Variants in MCTP2 observed in about 807,000 individuals in gnomAD.
The protein encoded by MCTP2 is multiple C2 and transmembrane domain-containing protein 2.
A neutral mutation model predicts 111.6 loss-of-function variants in MCTP2; 132 were observed. The observed-to-expected ratio is 1.18, with a 90% CI of 1.03 to 1.37. The LOEUF is 1.37. MCTP2 is among the 40% of genes most tolerant of loss of function. The probability of loss-of-function intolerance (pLI) is 0.00; values close to 1 mark genes in which losing one functional copy is unlikely to be tolerated. For missense variants in MCTP2, 1,183 were observed against 1,067.9 expected, an observed-to-expected ratio of 1.11 and a Z score of -1.50; for synonymous variants, 395 against 387.7, an observed-to-expected ratio of 1.02 and a Z score of -0.22.
At chr15:94,308,311 T>A (rs2075976416) in intron 2 of MCTP2, among the ~76,000 whole-genome samples, 3 of 152,216 alleles carry the variant, frequency 2.0e-5, no homozygotes, top group Non-Finnish European at 4.4e-5. Context: ...CCTTGTTCAC[T>A]ACCATGTACA....
chr15:94,311,565 T>C (rs1432600987), intron 2 of MCTP2, among the ~76,000 whole-genome samples: 5 of 152,164 alleles, frequency 3.3e-5, no homozygotes, highest in African/African-American at 1.2e-4. Context: ...CATCCTCCTG[T>C]GCATATGGAA....
chr15:94,336,967 C>A (rs2077394697), intron 4 of MCTP2, among the ~76,000 whole-genome samples: 1 of 152,040 alleles, frequency 6.6e-6, no homozygotes, highest in Admixed American at 6.6e-5. Context: ...ACTACAAGAG[C>A]CTCATTGTTT....
intron 20 of MCTP2, among the ~76,000 whole-genome samples, chr15:94,467,521 G>A (rs563969728): frequency 6.6e-5 from 10 of 152,018 alleles, no homozygotes; most frequent in South Asian, 2.1e-4. Flanking sequence ...TTGAGCCCGC[G>A]GGTTGGGGTT....
intron 17 of MCTP2, among the ~76,000 whole-genome samples, chr15:94,439,017 C>T (rs559247345): frequency 1.5e-4 from 23 of 152,076 alleles, no homozygotes; most frequent in African/African-American, 5.1e-4. Flanking sequence ...TTAGAAGCCT[C>T]GCAGGAATGA....
chr15:94,438,280 A>G (rs2083587494), intron 17 of MCTP2, among the ~76,000 whole-genome samples: 1 of 152,132 alleles, frequency 6.6e-6, no homozygotes, highest in Non-Finnish European at 1.5e-5. Flanking sequence ...ATTGGTTAAA[A>G]TATTTGCAGA....
At chr15:94,436,137 C>T (rs114093816) in intron 17 of MCTP2, among the ~76,000 whole-genome samples, 433 of 152,238 alleles carry the variant, frequency 2.8e-3, no homozygotes, top group African/African-American at 9.6e-3. Context: ...CGTACCTCTG[C>T]GCTCTGCAGT....
chr15:94,398,632 C>T (rs1455309558), intron 14 of MCTP2, among the ~76,000 whole-genome samples: 1 of 152,128 alleles, frequency 6.6e-6, no homozygotes, highest in African/African-American at 2.4e-5. Context: ...GTGACCTTTA[C>T]AGTCTTGAAG....
intron 3 of MCTP2, chr15:94,314,762 T>C (rs757188578): frequency 4.6e-5 from 21 of 459,066 alleles, no homozygotes; most frequent in African/African-American, 3.2e-4. Flanking sequence ...AAAAATTTAA[T>C]TGGGCTCATG....
In MCTP2 at chr15:94,356,032, A is replaced by AT. The variant is rs1278678540; in HGVS notation, c.1006-97dup. 4.0e-5 allele frequency: 56 copies of AT among 1,392,560 alleles called. No individual in the cohort carries two copies. The East Asian group carries it at 1.0e-3, about 26-fold the overall frequency. The allele number at this position is 1,392,560 out of a possible 1,614,324, so 86.3% of individuals were successfully genotyped here. A position where few individuals can be genotyped will look rare whatever the true frequency, so the allele number is the denominator to read the frequency against. ...AACAGTTTTCCCCAGGCAGGGAGGA[A>AT]TTTTTTTTATAATTAAATACTGAAA... On this transcript the variant is annotated intron_variant, in intron 8 of 22. Coordinates refer to ENST00000357742, the MANE Select transcript of MCTP2 (RefSeq NM_001385001.1).
At chr15:94,429,051 C>T (rs544775904) in intron 17 of MCTP2, among the ~76,000 whole-genome samples, 12 of 152,106 alleles carry the variant, frequency 7.9e-5, no homozygotes, top group Non-Finnish European at 1.3e-4. Context: ...ACTTCTTTTC[C>T]TCATCCTCAC....
chr15:94,404,053 T>C (rs1202024135), intron 17 of MCTP2, among the ~76,000 whole-genome samples: 3 of 152,236 alleles, frequency 2.0e-5, no homozygotes, highest in Non-Finnish European at 4.4e-5. Flanking sequence ...AATTTAAAAC[T>C]CTACTTCCAA....
At chr15:94,434,163 G>A (rs2083336917) in intron 17 of MCTP2, among the ~76,000 whole-genome samples, 2 of 151,844 alleles carry the variant, frequency 1.3e-5, no homozygotes, top group South Asian at 2.1e-4. Flanking sequence ...GTACAGTGGT[G>A]CAGTCATGGG....
At chr15:94,418,592 C>A (rs1438862728) in intron 17 of MCTP2, among the ~76,000 whole-genome samples, 1 of 152,070 alleles carries the variant, frequency 6.6e-6, no homozygotes, top group African/African-American at 2.4e-5. Flanking sequence ...TTTTCTCTTT[C>A]ATTTAGTTCA....
chr15:94,452,901 A>C (rs184758667), intron 19 of MCTP2, among the ~76,000 whole-genome samples: 1 of 152,344 alleles, frequency 6.6e-6, no homozygotes, highest in Admixed American at 6.5e-5. Context: ...CCTGTCTCAC[A>C]TGAGTAGCAA....
At chr15:94,413,247 A>G (rs923839550) in intron 17 of MCTP2, among the ~76,000 whole-genome samples, 1 of 152,160 alleles carries the variant, frequency 6.6e-6, no homozygotes, top group East Asian at 1.9e-4. Flanking sequence ...AATTTGATAC[A>G]ATCGTCTATA....
At chr15:94,298,869 TCTCCCC>T in intron 2 of MCTP2, 139 bp downstream of exon 2, 1 of 260,050 alleles carries the variant, frequency 3.8e-6, no homozygotes, top group African/African-American at 6.7e-5. Context: ...TCCCTCTCTC[TCTCCCC>T]CTCCCCCCTC....
chr15:94,390,076 A>ATGTATATATATATGTG (rs1173699808), intron 14 of MCTP2, among the ~76,000 whole-genome samples: 2 of 12,636 alleles, frequency 1.6e-4, no homozygotes, highest in East Asian at 4.9e-3. Flanking sequence ...ATATATATAT[A>ATGTATATATATATGTG]TATATATATA....
chr15:94,265,040 C>T (rs955308484), intron 1 of MCTP2, among the ~76,000 whole-genome samples: 3 of 151,958 alleles, frequency 2.0e-5, no homozygotes, highest in East Asian at 1.9e-4. Flanking sequence ...CTTTGATGTG[C>T]GTATGCCTGT....
At chr15:94,271,961 C>T (rs1322843881) in intron 1 of MCTP2, among the ~76,000 whole-genome samples, 2 of 152,216 alleles carry the variant, frequency 1.3e-5, no homozygotes, top group Non-Finnish European at 2.9e-5. Flanking sequence ...ACCTTTGCCT[C>T]CTACTATCCT....
Sources: allele counts gnomAD v4.1 joint callset (sites outside exome capture counted in the v4.1 genomes callset), GRCh38; gene constraint gnomAD v4.1.1; transcripts MANE v1.5; gene names NCBI Gene and HGNC (gene_info 2026-07-23, HGNC 2026-07-21).